MLXIPL: variants seen among roughly 807,000 people sequenced by gnomAD.
MLXIPL encodes MLX interacting protein like.
Under a neutral mutation model 81.5 loss-of-function variants are expected in MLXIPL, and 49 were observed. That is an observed-to-expected ratio of 0.60 (90% CI 0.48 to 0.76). The LOEUF (loss-of-function observed/expected upper bound fraction) is 0.76, where lower values mean the gene tolerates loss of function less well. Ranked by LOEUF, MLXIPL falls within the 30% of genes least tolerant of loss-of-function variation. The pLI, the probability that MLXIPL is intolerant of heterozygous loss-of-function variation, is 0.00. For missense variants in MLXIPL, 1,053 were observed against 1,167.0 expected (o/e 0.90, Z 1.42); for synonymous variants, 466 against 485.5 (o/e 0.96, Z 0.53).
rs1794018500 is a variant in MLXIPL at position 73,593,555 on chromosome 7, T to TG, written c.*309dup. ...CCCCAATGTCACAGCTGCCAAGGCC[T>TG]GGGGGTCATCTGCTGATTGAACCTT... is the stretch of plus-strand genomic sequence containing the variant. On this transcript the variant is annotated 3_prime_UTR_variant, in exon 17 of 17. Coordinates refer to ENST00000313375, the MANE Select transcript of MLXIPL (RefSeq NM_032951.3). The TG allele has an allele frequency of 8.1e-6, 3 of 371,506 alleles. No homozygotes were observed. The highest frequency in any genetic ancestry group is 4.5e-5 in the South Asian group (2 of 44,008). The allele number at this position is 371,506 out of a possible 1,614,324, so 23.0% of individuals were successfully genotyped here. A position where few individuals can be genotyped will look rare whatever the true frequency, so the allele number is the denominator to read the frequency against.
chr7:73,618,909 G>T (rs1289200918), intron 1 of MLXIPL, among the ~76,000 whole-genome samples: 1 of 152,156 alleles, frequency 6.6e-6, no homozygotes, highest in Non-Finnish European at 1.5e-5. Flanking sequence ...GACGTTCATG[G>T]CCCAGGCAGG....
the MLXIPL span, among the ~76,000 whole-genome samples, chr7:73,643,891 C>G: frequency 6.6e-6 from 1 of 152,012 alleles, no homozygotes; most frequent in Admixed American, 6.6e-5. Context: ...CTCAGCCTCC[C>G]AAGTAGCTGG....
intron 1 of MLXIPL, among the ~76,000 whole-genome samples, chr7:73,620,863 C>G (rs1554601852): frequency 6.6e-6 from 1 of 151,996 alleles, no homozygotes. Context: ...CCAGCCTGGC[C>G]AACATGGTGA....
At chr7:73,607,740 G>A in intron 2 of MLXIPL, 68 bp from the exon 3 acceptor site, 1 of 1,369,886 alleles carries the variant, frequency 7.3e-7, no homozygotes, top group Non-Finnish European at 1.0e-6. Context: ...AGGGGACTGG[G>A]ACTCAAGTGA....
the MLXIPL span, among the ~76,000 whole-genome samples, chr7:73,634,735 T>C: frequency 6.6e-6 from 1 of 151,548 alleles, no homozygotes; most frequent in Non-Finnish European, 1.5e-5. Context: ...GAATTCAACA[T>C]ATTAGGAACG....
the MLXIPL span, among the ~76,000 whole-genome samples, chr7:73,630,862 T>C: frequency 3.3e-5 from 5 of 152,174 alleles, no homozygotes; most frequent in Non-Finnish European, 1.5e-5. Flanking sequence ...CCACCTTAGT[T>C]AGAACCCAGC....
chr7:73,607,362 T>A lies in MLXIPL; in HGVS notation c.542A>T (p.Tyr181Phe). 1.3e-6 allele frequency: 2 copies of A among 1,567,470 alleles called. No homozygotes were observed. The highest frequency in any genetic ancestry group is 1.7e-6 in the Non-Finnish European group (2 of 1,155,762). ...KRRIEVVMRE[Y>F]HKWRIYYKKR... ...CTTGTAGTAGATGCGCCACTTGTGG[T>A]ATTCCCGCATCACCACCTCGATGCG... The change falls in exon 4 of 17, where the codon TAC becomes TTC. Residue 181 changes from tyrosine (Y) to phenylalanine (F), a missense_variant. Physicochemically the swap from Tyr to Phe is conservative, Grantham distance 22. Around this residue, in one of 3 missense-constraint regions of MLXIPL, gnomAD observed 823 missense variants for 933.0 expected, o/e 0.88. Transcript: ENST00000313375.
the MLXIPL span, among the ~76,000 whole-genome samples, chr7:73,644,608 G>A: frequency 5.3e-5 from 8 of 152,158 alleles, no homozygotes; most frequent in African/African-American, 1.4e-4. Flanking sequence ...GTGGTACCTG[G>A]TAAATGTGGG....
chr7:73,618,715 A>G (rs1225617869), intron 1 of MLXIPL, among the ~76,000 whole-genome samples: 2 of 127,660 alleles, frequency 1.6e-5, no homozygotes, highest in Non-Finnish European at 3.3e-5. Flanking sequence ...GTAGGGAGAC[A>G]TGGAGGTGGG....
chr7:73,625,410 C>T (rs782095726), upstream of MLXIPL, among the ~76,000 whole-genome samples: 18 of 152,182 alleles, frequency 1.2e-4, no homozygotes, highest in Non-Finnish European at 2.6e-4. Flanking sequence ...CAAGGTAATG[C>T]CCCTGAAGGG....
chr7:73,624,403 C>G lies in MLXIPL; in HGVS notation c.90G>C (p.Glu30Asp), dbSNP rs782738251. 2.6e-6 allele frequency: 4 copies of G among 1,566,562 alleles called. No homozygotes were observed. In the East Asian group the frequency reaches 9.4e-5, roughly 37 times the overall value. ...CCGCGCTGCGCCGGAGACTCGGGTC[C>G]TCCGAGTCTGTGTCCGAGTCCGAGT... ...SPDSDSDTDS[E>D]DPSLRRSAGG... Residue 30 changes from glutamate to aspartate, a missense_variant, in exon 1 of 17, where the codon GAG becomes GAC. Around this residue, in one of 3 missense-constraint regions of MLXIPL, gnomAD observed 226 missense variants for 216.2 expected, o/e 1.05. Transcript: ENST00000313375.
chr7:73,608,538 C>T (rs1307704137), intron 2 of MLXIPL, among the ~76,000 whole-genome samples: 5 of 151,506 alleles, frequency 3.3e-5, no homozygotes, highest in Non-Finnish European at 5.9e-5. Flanking sequence ...AGTGAGATCA[C>T]GCCACTGCAT....
Position 73,597,676 on chromosome 7 carries a change from G to C in MLXIPL, c.1109C>G (p.Ala370Gly). 7.3e-7 allele frequency: 1 copy of C among 1,377,912 alleles called. No individual in the cohort carries two copies. Among genetic ancestry groups the C allele is most frequent in the South Asian group, 2.1e-5 (1 of 47,990 alleles). The allele number at this position is 1,377,912 out of a possible 1,614,324, so 85.4% of individuals were successfully genotyped here. A position where few individuals can be genotyped will look rare whatever the true frequency, so the allele number is the denominator to read the frequency against. The change falls in exon 9 of 17, where the codon GCC becomes GGC. Residue 370 changes from alanine (A) to glycine (G), a missense_variant. By Grantham distance (60) the Ala-to-Gly change is moderately conservative. Coordinates refer to ENST00000313375, the MANE Select transcript of MLXIPL (RefSeq NM_032951.3). The part of the protein sequence containing the change: ...NSCPGPLDSS[A>G]FLSSDFLLPE... ...AAGGAGGAAATCAGAACTCAGGAAG[G>C]CGCTGGAGTCCAAGGGGCCAGGGCA...
intron 7 of MLXIPL, among the ~76,000 whole-genome samples, chr7:73,600,634 G>T (rs182616917): frequency 0.016 from 1,907 of 117,912 alleles, 139 homozygotes; most frequent in African/African-American, 0.064. Flanking sequence ...CCTAAGGGTG[G>T]GCTCCGAGTG....
intron 1 of MLXIPL, among the ~76,000 whole-genome samples, chr7:73,620,049 C>T (rs552744897): frequency 2.6e-5 from 4 of 152,062 alleles, no homozygotes; most frequent in African/African-American, 7.2e-5. Context: ...GGGAGAGGAT[C>T]GCTTGAACCC....
Position 73,623,321 on chromosome 7 carries a change from C to A in MLXIPL, c.293+879G>T, listed in dbSNP as rs1554602715. Among the ~76,000 whole-genome samples, 1 of 152,246 alleles carries A rather than the reference C, an allele frequency of 6.6e-6. No homozygotes were observed. The highest frequency in any genetic ancestry group is 2.1e-4 in the South Asian group (1 of 4,834). On this transcript the variant is annotated intron_variant, in intron 1 of 16. Coordinates refer to ENST00000313375, the MANE Select transcript of MLXIPL (RefSeq NM_032951.3). The surrounding 1 kb of genome is among the most constrained non-coding windows in gnomAD (Gnocchi z 5.7). ...CCGGCCGATCCCCCTTTCTCCCCTA[C>A]GGGTTTTCGGTTGATAATTTATACT...
At chr7:73,619,460 C>CAAAAAAAAAAA (rs1463451518) in intron 1 of MLXIPL, among the ~76,000 whole-genome samples, 1 of 87,544 alleles carries the variant, frequency 1.1e-5, no homozygotes. Context: ...GACTCCATCT[C>CAAAAAAAAAAA]AAAAAAAAAA....
At chr7:73,602,106 G>T (rs148967523) in intron 7 of MLXIPL, among the ~76,000 whole-genome samples, 7,767 of 103,446 alleles carry the variant, frequency 0.075, 289 homozygotes, top group Admixed American at 0.13. Context: ...CTTCCTGCCT[G>T]CCTGCCTGCC....
At chr7:73,641,163 G>A in the MLXIPL span, among the ~76,000 whole-genome samples, 45 of 152,152 alleles carry the variant, frequency 3.0e-4, 1 homozygote, top group African/African-American at 1.0e-3. Context: ...GTGTAGTGGC[G>A]AGTGCCTTAG....
Sources: gnomAD v4.1 joint callset for allele counts (sites outside exome capture counted in the v4.1 genomes callset) on GRCh38, gnomAD v4.1.1 for gene constraint, gnomAD v4.1.1 regional missense constraint, Gnocchi (gnomAD v3.1) non-coding constraint, MANE v1.5 for transcripts, NCBI Gene and HGNC (gene_info 2026-07-23, HGNC 2026-07-21) for gene names.